EML4: variants seen among roughly 807,000 people sequenced by gnomAD.
EML4 encodes the protein echinoderm microtubule-associated protein-like 4.
In EML4, 72 loss-of-function variants were observed where a neutral mutation model predicts 129.0. That is an observed-to-expected ratio of 0.56 (90% CI 0.46 to 0.68). The LOEUF (loss-of-function observed/expected upper bound fraction) is 0.68, where lower values mean the gene tolerates loss of function less well. Ranked by LOEUF, EML4 falls within the 30% of genes least tolerant of loss-of-function variation. The probability of loss-of-function intolerance (pLI) is 0.00; values close to 1 mark genes in which losing one functional copy is unlikely to be tolerated. For synonymous variants in EML4, 532 were observed against 405.0 expected (o/e 1.31, Z -3.77); for missense variants, 1,363 against 1,190.6 (o/e 1.14, Z -2.13).
At chr2:42,243,818 G>A (rs34355843) in intron 1 of EML4, among the ~76,000 whole-genome samples, 13,021 of 152,150 alleles carry the variant, frequency 0.086, 688 homozygotes, top group Non-Finnish European at 0.13. Flanking sequence ...AAATGTTGTG[G>A]TGGTGGTTTT....
At chr2:42,185,830 GGA>G (rs1369061421) in intron 1 of EML4, among the ~76,000 whole-genome samples, 3 of 152,110 alleles carry the variant, frequency 2.0e-5, no homozygotes, top group Non-Finnish European at 4.4e-5. Flanking sequence ...ATATCAGTGT[GGA>G]GTTTTTGCAG....
rs369624153 is a variant in EML4, at chr2:42,325,279, A to G, written c.2155-188A>G. 120 of 626,420 alleles carry G rather than the reference A, an allele frequency of 1.9e-4. No individual in the cohort carries two copies. The African/African-American group carries it at 2.1e-3, about 11-fold the overall frequency. 38.8% of individuals were successfully genotyped at this position (626,420 alleles called of 1,614,324 possible). ...TTTCTGGTATCTAGATAGGCCAGAA[A>G]GTTTCTCCCAGGTTTCAAGTGCTGA... On this transcript the variant is annotated intron_variant, in intron 19 of 22. Transcript: ENST00000318522.
intron 10 of EML4, among the ~76,000 whole-genome samples, chr2:42,287,491 A>G (rs72972029): frequency 0.31 from 46,379 of 152,044 alleles, 7,427 homozygotes; most frequent in East Asian, 0.56. Context: ...AGAGGAGAAG[A>G]GAGTAAGCTC....
chr2:42,216,135 G>C (rs1403130227), intron 1 of EML4, among the ~76,000 whole-genome samples: 1 of 150,578 alleles, frequency 6.6e-6, no homozygotes, highest in Non-Finnish European at 1.5e-5. Flanking sequence ...GGTCAGGCTG[G>C]TCTCAAACTC....
chr2:42,190,407 A>G lies in EML4; in HGVS notation c.25+20771A>G, dbSNP rs980863129. On this transcript the variant is annotated intron_variant, in intron 1 of 22. Coordinates refer to ENST00000318522, the MANE Select transcript of EML4 (RefSeq NM_019063.5). Reference sequence around the variant, plus strand: ...GTTTGGGATATATTTTGAGGGGCCTATGGATGTGCTTGATGAATGGATGTA... The same window carrying G: ...GTTTGGGATATATTTTGAGGGGCCTGTGGATGTGCTTGATGAATGGATGTA... Among the ~76,000 whole-genome samples, 10 of 152,148 alleles carry G rather than the reference A, an allele frequency of 6.6e-5. No homozygotes were observed. In the South Asian group the frequency reaches 1.0e-3, roughly 16 times the overall value.
At chr2:42,218,485 C>T (rs1673346680) in intron 1 of EML4, among the ~76,000 whole-genome samples, 1 of 152,168 alleles carries the variant, frequency 6.6e-6, no homozygotes, top group South Asian at 2.1e-4. Context: ...TCCACGAAAC[C>T]TGTCCCTGGT....
chr2:42,183,047 C>T (rs1010508312), intron 1 of EML4, among the ~76,000 whole-genome samples: 1 of 152,136 alleles, frequency 6.6e-6, no homozygotes, highest in African/African-American at 2.4e-5. Context: ...TACCAGGTAT[C>T]AGGAGGCTGA....
intron 1 of EML4, among the ~76,000 whole-genome samples, chr2:42,236,174 T>G (rs1171236702): frequency 6.6e-6 from 1 of 152,234 alleles, no homozygotes; most frequent in African/African-American, 2.4e-5. Flanking sequence ...CTTTTGTATG[T>G]TTTTGAACTT....
At chr2:42,245,085 A>ATTTCTTTTTT (rs1558535322) in intron 1 of EML4, among the ~76,000 whole-genome samples, 1 of 42,148 alleles carries the variant, frequency 2.4e-5, no homozygotes, top group Non-Finnish European at 4.3e-5. Context: ...TTGTTTTGAA[A>ATTTCTTTTTT]TTTTCTTTCT....
intron 1 of EML4, among the ~76,000 whole-genome samples, chr2:42,185,076 G>A (rs1186289790): frequency 3.3e-5 from 5 of 151,786 alleles, no homozygotes; most frequent in Non-Finnish European, 7.4e-5. Context: ...CATTGGTCCC[G>A]GAATAATATA....
chr2:42,323,317 A>G (rs1401891041), intron 19 of EML4, among the ~76,000 whole-genome samples: 1 of 152,220 alleles, frequency 6.6e-6, no homozygotes, highest in African/African-American at 2.4e-5. Flanking sequence ...AAAATAGCCA[A>G]CATCCATGTG....
chr2:42,327,672 C>G (rs1405714929), intron 21 of EML4, among the ~76,000 whole-genome samples: 1 of 152,106 alleles, frequency 6.6e-6, no homozygotes, highest in African/African-American at 2.4e-5. Flanking sequence ...AAGCCTTCCT[C>G]AGTATTTAGG....
At chr2:42,302,696 G>A (rs1040384380) in intron 14 of EML4, among the ~76,000 whole-genome samples, 7 of 151,932 alleles carry the variant, frequency 4.6e-5, no homozygotes, top group African/African-American at 9.7e-5. Context: ...ACCGCACCTG[G>A]CTGATTTTTA....
Position 42,245,546 on chromosome 2 carries a change from C to T in EML4, c.67C>T (p.Arg23Cys), listed in dbSNP as rs542703825. The T allele has an allele frequency of 3.7e-6, 6 of 1,613,606 alleles. No homozygotes were observed. Among genetic ancestry groups the T allele is most frequent in the Non-Finnish European group, 4.2e-6 (5 of 1,179,764 alleles). Residue 23 changes from arginine (R) to cysteine (C), a missense_variant, in exon 2 of 23, where the codon CGC (arginine) becomes TGC (cysteine). By Grantham distance (180) the Arg-to-Cys change is radical. Coordinates refer to ENST00000318522, the MANE Select transcript of EML4 (RefSeq NM_019063.5). ...TGCAAGTACTTCTGATGTTCAAGAT[C>T]GCCTGTCAGCTCTTGAGTCACGAGT... Reference protein sequence around the residue: ...SAASTSDVQDRLSALESRVQQ... With the variant: ...SAASTSDVQDCLSALESRVQQ...
At chr2:42,184,620 C>T (rs1015744277) in intron 1 of EML4, among the ~76,000 whole-genome samples, 2 of 151,958 alleles carry the variant, frequency 1.3e-5, no homozygotes, top group Admixed American at 6.6e-5. Flanking sequence ...CTTCTTATAC[C>T]GTTATTTATT....
intron 18 of EML4, among the ~76,000 whole-genome samples, chr2:42,317,145 T>C (rs1007101629): frequency 9.9e-5 from 15 of 152,178 alleles, no homozygotes; most frequent in Non-Finnish European, 1.5e-5. Context: ...GTAAACACTG[T>C]ACCCTTCCAC....
At chr2:42,194,711 C>A (rs1270636672) in intron 1 of EML4, among the ~76,000 whole-genome samples, 2 of 151,718 alleles carry the variant, frequency 1.3e-5, no homozygotes, top group Non-Finnish European at 2.9e-5. Context: ...GTATTTTTAC[C>A]ATGTTGCCCA....
intron 1 of EML4, among the ~76,000 whole-genome samples, chr2:42,180,235 G>T (rs894987541): frequency 6.6e-6 from 1 of 152,134 alleles, no homozygotes; most frequent in Non-Finnish European, 1.5e-5. Context: ...AATATGTTCC[G>T]TGTATGTATC....
At chr2:42,300,597 C>T (rs982076078) in intron 13 of EML4, among the ~76,000 whole-genome samples, 16 of 152,158 alleles carry the variant, frequency 1.1e-4, no homozygotes, top group Admixed American at 1.0e-3. Context: ...CTGCAGGTAT[C>T]CATTGCCTAC....
Sources: allele counts gnomAD v4.1 joint callset (sites outside exome capture counted in the v4.1 genomes callset), GRCh38; gene constraint gnomAD v4.1.1; transcripts MANE v1.5; gene names NCBI Gene and HGNC (gene_info 2026-07-23, HGNC 2026-07-21).